Variants in EIF3A observed in about 807,000 individuals in gnomAD.
The protein encoded by EIF3A is eukaryotic translation initiation factor 3 subunit A, also known as EIF3, p180 subunit.
EIF3A carries 21 observed loss-of-function variants against 186.6 expected under a neutral mutation model. The observed-to-expected ratio is 0.11, with a 90% CI of 0.08 to 0.16. The LOEUF (loss-of-function observed/expected upper bound fraction) is 0.16. Ranked by LOEUF, EIF3A falls within the 10% of genes least tolerant of loss-of-function variation. The pLI is 1.00. For missense variants in EIF3A, 1,306 were observed against 1,796.3 expected (o/e 0.73, Z 4.93); for synonymous variants, 563 against 584.3 (o/e 0.96, Z 0.52).
At chr10:119,077,051 CTTTAAGAAAAT>C (rs1260918466) in intron 1 of EIF3A, among the ~76,000 whole-genome samples, 1 of 152,030 alleles carries the variant, frequency 6.6e-6, no homozygotes, top group African/African-American at 2.4e-5. Flanking sequence ...GGAATTTATA[CTTTAAGAAAAT>C]CACAGCAGCA....
intron 17 of EIF3A, among the ~76,000 whole-genome samples, chr10:119,048,451 G>A (rs908031946): frequency 7.2e-5 from 11 of 152,132 alleles, no homozygotes; most frequent in South Asian, 2.1e-4. Context: ...ACACAGGTCC[G>A]TTTTGAACCT....
intron 9 of EIF3A, chr10:119,060,224 G>A: frequency 2.1e-6 from 1 of 479,544 alleles, no homozygotes; most frequent in Non-Finnish European, 4.0e-6. Flanking sequence ...ACTGACTTAA[G>A]CCCCTGGACT....
intron 20 of EIF3A, among the ~76,000 whole-genome samples, chr10:119,037,970 G>C (rs1489030597): frequency 7.6e-6 from 1 of 132,274 alleles, no homozygotes; most frequent in Non-Finnish European, 1.5e-5. Context: ...AGGCTGGAGT[G>C]CAATGGCGCT....
At chr10:119,053,702 A>G (rs1245101353) in intron 14 of EIF3A, among the ~76,000 whole-genome samples, 4 of 152,190 alleles carry the variant, frequency 2.6e-5, no homozygotes, top group Admixed American at 2.6e-4. Flanking sequence ...CCTGGGTGAT[A>G]GAGTGAGACC....
chr10:119,071,595 T>G (rs1456117211), intron 4 of EIF3A, among the ~76,000 whole-genome samples: 2 of 152,176 alleles, frequency 1.3e-5, no homozygotes, highest in Admixed American at 1.3e-4. Context: ...ATATGCACTA[T>G]TAGATTATTT....
chr10:119,066,507 A>C (rs1433539634), intron 6 of EIF3A, among the ~76,000 whole-genome samples: 88 of 4,282 alleles, frequency 0.021, no homozygotes, highest in African/African-American at 0.028. Flanking sequence ...AAGACTGTCA[A>C]AAAAAAAAAA....
chr10:119,070,502 C>T (rs1309643489), intron 5 of EIF3A, among the ~76,000 whole-genome samples: 3 of 152,122 alleles, frequency 2.0e-5, no homozygotes, highest in Non-Finnish European at 4.4e-5. Context: ...TAAAAACACA[C>T]AAAATGTACA....
intron 4 of EIF3A, among the ~76,000 whole-genome samples, chr10:119,072,343 GA>G (rs1225433688): frequency 1.4e-5 from 2 of 146,006 alleles, no homozygotes; most frequent in African/African-American, 2.6e-5. Flanking sequence ...TGTGTAAAAA[GA>G]AAAAAAAAGA....
Position 119,080,738 on chromosome 10 carries a change from G to A in EIF3A, c.-62C>T. ...CTCTCTAGTGGCCCGGGCCGGGAGA[G>A]GAGACGAAGGGGAACCAGCGTAAGG... On this transcript the variant is annotated 5_prime_UTR_variant, in exon 1 of 22. Transcript: ENST00000369144. The A allele has an allele frequency of 6.5e-7, 1 of 1,543,720 alleles. No individual in the cohort carries two copies. The highest frequency in any genetic ancestry group is 8.7e-7 in the Non-Finnish European group (1 of 1,145,310).
chr10:119,075,544 T>C (rs1477973407), intron 1 of EIF3A, among the ~76,000 whole-genome samples: 1 of 143,202 alleles, frequency 7.0e-6, no homozygotes, highest in Non-Finnish European at 1.5e-5. Context: ...AATTGCAAAT[T>C]TCACACACAC....
At chr10:119,071,171 A>G (rs1844064234) in intron 4 of EIF3A, 86 bp from the exon 5 acceptor site, 6 of 978,288 alleles carry the variant, frequency 6.1e-6, no homozygotes, top group Non-Finnish European at 9.4e-6. Flanking sequence ...CATTAAGATC[A>G]GTTGTTTTAA....
intron 20 of EIF3A, 132 bp downstream of exon 20, chr10:119,038,106 G>A (rs1848160298): frequency 1.3e-6 from 1 of 751,178 alleles, no homozygotes; most frequent in African/African-American, 1.7e-5. Context: ...TAGTAGAGAT[G>A]GGGTTTCACT....
Position 119,044,009 on chromosome 10 carries a change from A to G in EIF3A, c.2747+45T>C, listed in dbSNP as rs776924660. ...CAAATTTTAAAACCACTGATAAGATATTAACAGGAACTGGAGCGGCATTAT... is the reference window on the plus strand; with the variant it reads ...CAAATTTTAAAACCACTGATAAGATGTTAACAGGAACTGGAGCGGCATTAT... On this transcript the variant is annotated intron_variant, in intron 18 of 21. Transcript: ENST00000369144. 3.7e-6 allele frequency: 5 copies of G among 1,364,872 alleles called. No homozygotes were observed. In the African/African-American group the frequency reaches 7.2e-5, roughly 20 times the overall value. The allele number at this position is 1,364,872 out of a possible 1,614,324, so 84.5% of individuals were successfully genotyped here.
intron 3 of EIF3A, 79 bp downstream of exon 3, chr10:119,073,362 C>T: frequency 2.7e-6 from 3 of 1,113,904 alleles, no homozygotes; most frequent in East Asian, 2.4e-5. Flanking sequence ...ACATCTACTT[C>T]AAAAGGAAAT....
rs1340291542 is a variant in EIF3A at position 119,037,203 on chromosome 10, C to A, written c.3835G>T (p.Asp1279Tyr). 5.0e-6 allele frequency: 8 copies of A among 1,614,002 alleles called. No individual in the cohort carries two copies. In the South Asian group the frequency reaches 5.5e-5, roughly 11 times the overall value. The change falls in exon 21 of 22, where the codon GAC becomes TAC. Residue 1279 changes from aspartate (D) to tyrosine (Y), a missense_variant. Physicochemically the swap from Asp to Tyr is radical, Grantham distance 160 (BLOSUM62 -3). Around this residue, in one of 8 missense-constraint regions of EIF3A, gnomAD observed 331 missense variants for 365.8 expected, o/e 0.90. Coordinates refer to ENST00000369144, the MANE Select transcript of EIF3A (RefSeq NM_003750.4). ...DRDDRRRERD[D>Y]RRDLRERRDL... Reference sequence around the variant, plus strand: ...CGTCTTTCTCTTAGATCACGCCGGTCATCCCTCTCACGGCGACGGTCATCC... The same window carrying A: ...CGTCTTTCTCTTAGATCACGCCGGTAATCCCTCTCACGGCGACGGTCATCC...
chr10:119,078,372 G>C (rs1844208754), intron 1 of EIF3A, among the ~76,000 whole-genome samples: 1 of 146,798 alleles, frequency 6.8e-6, no homozygotes, highest in Non-Finnish European at 1.5e-5. Flanking sequence ...AGGGTGACCT[G>C]AACGACTATT....
rs1848091206 is a variant in EIF3A, at chr10:119,033,884, AAAAC to A, written c.*2151_*2154del. The A allele has an allele frequency of 6.4e-6, 1 of 157,262 alleles. No homozygotes were observed. The highest frequency in any genetic ancestry group is 1.6e-5 in the Non-Finnish European group (1 of 63,800). 9.7% of individuals were successfully genotyped at this position (157,262 alleles called of 1,614,324 possible). A position where few individuals can be genotyped will look rare whatever the true frequency, so the allele number is the denominator to read the frequency against. On this transcript the variant is annotated 3_prime_UTR_variant, in exon 22 of 22. Coordinates refer to ENST00000369144, the MANE Select transcript of EIF3A (RefSeq NM_003750.4). ...CAGTGTCTTTGGTTAAAAAAAAAAA[AAAAC>A]ACAGGCAGTTCTTTACATAAAAACG... is the stretch of plus-strand genomic sequence containing the variant.
chr10:119,035,288 T>C lies in EIF3A; in HGVS notation c.*751A>G, dbSNP rs1299652794. ...TAAATATTGTCATATTTAAAATGCTTGAAAGGCATGAATTCTCCATTAATG... is the reference window on the plus strand; with the variant it reads ...TAAATATTGTCATATTTAAAATGCTCGAAAGGCATGAATTCTCCATTAATG... On this transcript the variant is annotated 3_prime_UTR_variant, in exon 22 of 22. Coordinates refer to ENST00000369144, the MANE Select transcript of EIF3A (RefSeq NM_003750.4). 2 of 152,642 alleles carry C rather than the reference T, an allele frequency of 1.3e-5. No homozygotes were observed. The highest frequency in any genetic ancestry group is 2.9e-5 in the Non-Finnish European group (2 of 68,040). 9.5% of individuals were successfully genotyped at this position (152,642 alleles called of 1,614,324 possible). A position where few individuals can be genotyped will look rare whatever the true frequency, so the allele number is the denominator to read the frequency against.
intron 1 of EIF3A, among the ~76,000 whole-genome samples, chr10:119,074,452 C>A (rs1427879563): frequency 3.0e-5 from 4 of 135,314 alleles, no homozygotes; most frequent in Admixed American, 2.6e-4. Flanking sequence ...GTGACAAGAG[C>A]GAAATTCCGT....
Sources: gnomAD v4.1 joint callset for allele counts (sites outside exome capture counted in the v4.1 genomes callset) on GRCh38, gnomAD v4.1.1 for gene constraint, gnomAD v4.1.1 regional missense constraint, MANE v1.5 for transcripts, NCBI Gene and HGNC (gene_info 2026-07-23, HGNC 2026-07-21) for gene names.